RRN3: variants seen among roughly 807,000 people sequenced by gnomAD.
The protein encoded by RRN3 is RNA polymerase I-specific transcription initiation factor RRN3.
RRN3 carries 38 observed loss-of-function variants against 82.3 expected under a neutral mutation model. The observed-to-expected ratio is 0.46, with a 90% CI of 0.36 to 0.61. RRN3 has a LOEUF of 0.61. Among genes scored for constraint, RRN3 ranks in the 20% least tolerant of loss-of-function variants. RRN3 has a pLI of 0.00. For missense variants in RRN3, 726 were observed against 793.1 expected (o/e 0.92, Z 1.02); for synonymous variants, 284 against 284.3 (o/e 1.00, Z 0.01).
intron 3 of RRN3, among the ~76,000 whole-genome samples, chr16:15,089,184 G>A (rs1424336256): frequency 1.3e-5 from 2 of 152,092 alleles, no homozygotes; most frequent in African/African-American, 2.4e-5. Flanking sequence ...ACAGCTACTC[G>A]GGAGGCTGAG....
At chr16:15,069,080 G>C (rs1210381080) in intron 14 of RRN3, among the ~76,000 whole-genome samples, 3 of 152,308 alleles carry the variant, frequency 2.0e-5, no homozygotes, top group East Asian at 3.9e-4. Context: ...ACATCTTTTA[G>C]AAGCATGTAG....
At chr16:15,076,433 C>A in intron 10 of RRN3, 125 bp downstream of exon 10, 1 of 731,942 alleles carries the variant, frequency 1.4e-6, no homozygotes, top group Non-Finnish European at 2.5e-6. Flanking sequence ...TATAAGGAAT[C>A]GTTTTCAAGT....
chr16:15,076,457 T>G, intron 10 of RRN3, 101 bp downstream of exon 10: 1 of 864,416 alleles, frequency 1.2e-6, no homozygotes, highest in South Asian at 1.4e-5. Flanking sequence ...CTGAACTATT[T>G]TAATTCTTTC....
intron 9 of RRN3, among the ~76,000 whole-genome samples, chr16:15,078,949 CTA>C (rs1374866921): frequency 3.3e-5 from 5 of 151,738 alleles, no homozygotes; most frequent in Non-Finnish European, 1.5e-5. Context: ...GTAGCTGGGA[CTA>C]TAGGTGCCCA....
rs539240029 is a variant in RRN3, at chr16:15,088,409, G to C, written c.253-1955C>G. ...TTGAGCCTGGGAGGTTGAGGCTGCA[G>C]TGAGCCATGATCGGGCCCATTACAC... On this transcript the variant is annotated intron_variant, in intron 3 of 17. Coordinates refer to ENST00000198767, the MANE Select transcript of RRN3 (RefSeq NM_018427.5). 1.2e-3 allele frequency among the ~76,000 whole-genome samples: 190 copies of C among 152,202 alleles called. 1 individual carries two copies. Among genetic ancestry groups the C allele is most frequent in the Non-Finnish European group, 1.9e-3 (129 of 68,012 alleles).
chr16:15,082,570 G>A (rs1199056550), intron 8 of RRN3, among the ~76,000 whole-genome samples: 1 of 152,066 alleles, frequency 6.6e-6, no homozygotes, highest in East Asian at 1.9e-4. Flanking sequence ...CTACTCGGGA[G>A]GCTGAGGTGG....
intron 2 of RRN3, among the ~76,000 whole-genome samples, chr16:15,091,669 C>G (rs1293971590): frequency 3.3e-5 from 5 of 152,116 alleles, no homozygotes; most frequent in Non-Finnish European, 5.9e-5. Context: ...AAAAAAACAG[C>G]CAGCTATAAT....
intron 3 of RRN3, among the ~76,000 whole-genome samples, chr16:15,090,838 G>A (rs1251472746): frequency 1.3e-5 from 2 of 149,248 alleles, no homozygotes; most frequent in Admixed American, 1.3e-4. Context: ...CATGATAGGT[G>A]TATCTCGAAC....
chr16:15,079,179 G>A (rs2151798091), intron 9 of RRN3, among the ~76,000 whole-genome samples: 1 of 150,726 alleles, frequency 6.6e-6, no homozygotes, highest in South Asian at 2.1e-4. Flanking sequence ...CAAAGTTGAA[G>A]GATTCCTTTC....
chr16:15,093,428 G>A (rs1222240547), intron 1 of RRN3, among the ~76,000 whole-genome samples: 1 of 152,118 alleles, frequency 6.6e-6, no homozygotes, highest in Admixed American at 6.5e-5. Context: ...AAATCATCGT[G>A]TTCGTTTATT....
At chr16:15,062,044 T>C in intron 17 of RRN3, 139 bp from the exon 18 acceptor site, 3 of 802,522 alleles carry the variant, frequency 3.7e-6, no homozygotes, top group Non-Finnish European at 5.8e-6. Context: ...GCCAGTGTAG[T>C]GGCACACGCC....
intron 16 of RRN3, among the ~76,000 whole-genome samples, chr16:15,064,962 C>T (rs1487397228): frequency 6.6e-6 from 1 of 152,126 alleles, no homozygotes; most frequent in Non-Finnish European, 1.5e-5. Flanking sequence ...GTCAGGAGAT[C>T]GAGAACATCC....
intron 5 of RRN3, 38 bp from the exon 6 acceptor site, chr16:15,085,736 G>C: frequency 6.2e-7 from 1 of 1,611,128 alleles, no homozygotes; most frequent in Non-Finnish European, 8.5e-7. Flanking sequence ...TTCTGTCATT[G>C]ATCTAGACAA....
intron 7 of RRN3, among the ~76,000 whole-genome samples, chr16:15,084,219 T>A (rs1234957967): frequency 1.3e-5 from 2 of 152,210 alleles, no homozygotes; most frequent in Non-Finnish European, 2.9e-5. Flanking sequence ...GGATTTTTTT[T>A]AAGTTAACAA....
At chr16:15,070,669 G>A (rs1044299381) in intron 13 of RRN3, among the ~76,000 whole-genome samples, 1 of 152,116 alleles carries the variant, frequency 6.6e-6, no homozygotes, top group Non-Finnish European at 1.5e-5. Context: ...TAATTTTGTG[G>A]TTGGGGAAGG....
intron 11 of RRN3, among the ~76,000 whole-genome samples, chr16:15,074,338 C>A (rs1244792410): frequency 1.3e-5 from 2 of 152,210 alleles, no homozygotes; most frequent in Admixed American, 6.5e-5. Context: ...AGTACTAACA[C>A]TGGCACAACA....
At chr16:15,063,843 C>T (rs555310459) in intron 16 of RRN3, among the ~76,000 whole-genome samples, 1 of 152,060 alleles carries the variant, frequency 6.6e-6, no homozygotes, top group African/African-American at 2.4e-5. Flanking sequence ...TTCATCTTTC[C>T]ATTTTCATGT....
intron 13 of RRN3, among the ~76,000 whole-genome samples, chr16:15,070,520 G>T (rs995771020): frequency 2.0e-5 from 3 of 152,036 alleles, no homozygotes; most frequent in Non-Finnish European, 2.9e-5. Context: ...ATGGAAAGCA[G>T]GTTCTCCTAA....
At chr16:15,087,878 G>A (rs1405549822) in intron 3 of RRN3, among the ~76,000 whole-genome samples, 1 of 152,184 alleles carries the variant, frequency 6.6e-6, no homozygotes, top group Non-Finnish European at 1.5e-5. Context: ...ACTTTGGGAG[G>A]CCGAGGTGGG....
Sources: allele counts gnomAD v4.1 joint callset (sites outside exome capture counted in the v4.1 genomes callset), GRCh38; gene constraint gnomAD v4.1.1; transcripts MANE v1.5; gene names NCBI Gene and HGNC (gene_info 2026-07-23, HGNC 2026-07-21).